Variants in PHACTR1 observed in about 807,000 individuals in gnomAD.
PHACTR1 encodes the protein phosphatase and actin regulator 1.
PHACTR1 carries 16 observed loss-of-function variants against 69.2 expected under a neutral mutation model. The ratio of observed to expected loss-of-function variants is 0.23; its 90% CI spans 0.16 to 0.35. The LOEUF (loss-of-function observed/expected upper bound fraction) is 0.35, where lower values mean the gene tolerates loss of function less well. Among genes scored for constraint, PHACTR1 ranks in the 10% least tolerant of loss-of-function variants. The probability of loss-of-function intolerance (pLI) is 1.00; values close to 1 mark genes in which losing one functional copy is unlikely to be tolerated. For missense variants in PHACTR1, 510 were observed against 734.7 expected (o/e 0.69, Z 3.54); for synonymous variants, 312 against 284.5 (o/e 1.10, Z -0.97).
At position 12,942,439 on chromosome 6, in the gene PHACTR1, G is replaced by A. The variant is rs115005554; in HGVS notation, c.251-110926G>A. 5.5e-3 allele frequency among the ~76,000 whole-genome samples: 832 copies of A among 152,264 alleles called. 6 individuals are homozygous for A. Among genetic ancestry groups the A allele is most frequent in the African/African-American group, 0.019 (772 of 41,550 alleles). ...TAACCACAACTTCATGTTGTAGTTA[G>A]AGCTAGTTCTTTCTTTTACACGTGA... On this transcript the variant is annotated intron_variant, in intron 4 of 14. Coordinates refer to ENST00000332995, the MANE Select transcript of PHACTR1 (RefSeq NM_030948.6).
At chr6:13,014,474 C>T (rs1799877334) in intron 4 of PHACTR1, among the ~76,000 whole-genome samples, 1 of 152,132 alleles carries the variant, frequency 6.6e-6, no homozygotes, top group African/African-American at 2.4e-5. Flanking sequence ...CCTGCTTTTT[C>T]CTTCCATGGG....
At chr6:13,000,359 G>A (rs1412494692) in intron 4 of PHACTR1, among the ~76,000 whole-genome samples, 1 of 152,094 alleles carries the variant, frequency 6.6e-6, no homozygotes, top group Non-Finnish European at 1.5e-5. Flanking sequence ...ACTAGCCTGG[G>A]CAACATCGTG....
At chr6:12,758,380 G>A (rs183310168) in intron 4 of PHACTR1, among the ~76,000 whole-genome samples, 141 of 148,090 alleles carry the variant, frequency 9.5e-4, no homozygotes, top group Middle Eastern at 3.5e-3. Context: ...AGGCGGAGGT[G>A]AGCAGAGACC....
chr6:12,809,193 C>T (rs1310331099), intron 4 of PHACTR1, among the ~76,000 whole-genome samples: 1 of 152,124 alleles, frequency 6.6e-6, no homozygotes, highest in Non-Finnish European at 1.5e-5. Context: ...CAGCCATCTA[C>T]TGTCTTACTT....
intron 4 of PHACTR1, among the ~76,000 whole-genome samples, chr6:12,886,459 A>T (rs1344191539): frequency 6.6e-6 from 1 of 152,202 alleles, no homozygotes; most frequent in African/African-American, 2.4e-5. Flanking sequence ...ATATTTTTTC[A>T]TATTAAATGT....
At chr6:13,183,983 A>G (rs897367184) in intron 7 of PHACTR1, among the ~76,000 whole-genome samples, 3 of 152,216 alleles carry the variant, frequency 2.0e-5, no homozygotes, top group Admixed American at 2.0e-4. Context: ...TGCAGTGCAA[A>G]GAGAAATGGA....
rs1384494931 is a variant in PHACTR1 at position 13,003,951 on chromosome 6, C to CTATATATATATATATATACATATA, written c.251-49401_251-49400insATATACATATATATATATATATAT. Among the ~76,000 whole-genome samples, 29 of 93,548 alleles carry CTATATATATATATATATACATATA rather than the reference C, an allele frequency of 3.1e-4. 1 individual carries two copies. Among genetic ancestry groups the CTATATATATATATATATACATATA allele is most frequent in the African/African-American group, 1.7e-3 (28 of 16,056 alleles). 61.4% of individuals were successfully genotyped at this position (93,548 alleles called of 152,430 possible). On this transcript the variant is annotated intron_variant, in intron 4 of 14. Coordinates refer to ENST00000332995, the MANE Select transcript of PHACTR1 (RefSeq NM_030948.6). ...CTTTTTTTATGGCTCAGTAGTATTC[C>CTATATATATATATATATACATATA]TATATATATATATGTATATATATAT...
Position 13,028,987 on chromosome 6 carries a change from T to C in PHACTR1, c.251-24378T>C, listed in dbSNP as rs74329754. On this transcript the variant is annotated intron_variant, in intron 4 of 14. Transcript: ENST00000332995. ...AGAGGGAAGGAAGGAAGAGTAGGTG[T>C]ACTGGCTTTTTGGATATTAGCAGTA... Among the ~76,000 whole-genome samples the C allele has an allele frequency of 8.5e-3, 1,296 of 152,308 alleles. 69 individuals are homozygous for C. In the East Asian group the frequency reaches 0.14, roughly 17 times the overall value.
At chr6:13,144,417 T>C (rs1822975284) in intron 5 of PHACTR1, among the ~76,000 whole-genome samples, 1 of 152,120 alleles carries the variant, frequency 6.6e-6, no homozygotes, top group Non-Finnish European at 1.5e-5. Context: ...GCAACACATA[T>C]TGAAAATAAT....
chr6:13,167,569 C>T (rs556329333), intron 6 of PHACTR1, among the ~76,000 whole-genome samples: 60 of 152,266 alleles, frequency 3.9e-4, no homozygotes, highest in Non-Finnish European at 7.4e-4. Context: ...CTACCTAGAC[C>T]TGGGGGAAGA....
At chr6:12,764,258 G>A (rs1421891272) in intron 4 of PHACTR1, among the ~76,000 whole-genome samples, 1 of 152,180 alleles carries the variant, frequency 6.6e-6, no homozygotes, top group Non-Finnish European at 1.5e-5. Flanking sequence ...AAAGTATTGT[G>A]GAGCAAATGT....
intron 11 of PHACTR1, chr6:13,274,181 C>T (rs1239871459): frequency 6.6e-6 from 1 of 152,164 alleles, no homozygotes; most frequent in Non-Finnish European, 1.5e-5. Flanking sequence ...GTCTTGCCTC[C>T]CGTCCCCACG....
chr6:12,735,395 G>C (rs1386842675), intron 3 of PHACTR1, among the ~76,000 whole-genome samples: 1 of 152,206 alleles, frequency 6.6e-6, no homozygotes, highest in Non-Finnish European at 1.5e-5. Flanking sequence ...GACTACACAA[G>C]GGCATGAGTG....
chr6:13,013,666 G>GC lies in PHACTR1; in HGVS notation c.251-39697dup, dbSNP rs1799714319. 2.6e-5 allele frequency among the ~76,000 whole-genome samples: 4 copies of GC among 152,032 alleles called. No homozygotes were observed. The South Asian group carries it at 8.3e-4, about 32-fold the overall frequency. On this transcript the variant is annotated intron_variant, in intron 4 of 14. Coordinates refer to ENST00000332995, the MANE Select transcript of PHACTR1 (RefSeq NM_030948.6). The stretch of plus-strand genomic sequence containing the variant: ...CTCAGGTAGGACCCAGGAGCGCCCT[G>GC]CCTACCCCCTCCTCCGGCTTCGGGA...
intron 6 of PHACTR1, among the ~76,000 whole-genome samples, chr6:13,172,082 TA>T (rs1433180972): frequency 6.6e-6 from 1 of 152,170 alleles, no homozygotes. Flanking sequence ...TAGCCTTTTC[TA>T]AAATCTTGGA....
At chr6:12,937,409 C>T (rs1006756897) in intron 4 of PHACTR1, among the ~76,000 whole-genome samples, 11 of 151,658 alleles carry the variant, frequency 7.3e-5, no homozygotes, top group African/African-American at 1.9e-4. Context: ...AGTGCAATGG[C>T]GCAATCTCAG....
chr6:13,052,140 T>A (rs1806052953), intron 4 of PHACTR1, among the ~76,000 whole-genome samples: 1 of 152,242 alleles, frequency 6.6e-6, no homozygotes, highest in African/African-American at 2.4e-5. Context: ...ACTTCTGACG[T>A]GTCTCTCAAT....
At chr6:13,142,061 G>A (rs1822569128) in intron 5 of PHACTR1, among the ~76,000 whole-genome samples, 1 of 152,190 alleles carries the variant, frequency 6.6e-6, no homozygotes, top group Non-Finnish European at 1.5e-5. Flanking sequence ...TTAGTGTGCA[G>A]AACGGGAAAG....
chr6:13,190,114 C>T (rs1446972309), intron 7 of PHACTR1, among the ~76,000 whole-genome samples: 1 of 150,376 alleles, frequency 6.6e-6, no homozygotes, highest in Non-Finnish European at 1.5e-5. Flanking sequence ...ACCTCCACCT[C>T]CTGGGTTCAA....
Sources: gnomAD v4.1 joint callset for allele counts (sites outside exome capture counted in the v4.1 genomes callset) on GRCh38, gnomAD v4.1.1 for gene constraint, MANE v1.5 for transcripts, NCBI Gene and HGNC (gene_info 2026-07-23, HGNC 2026-07-21) for gene names.